The following SDK1 variants were observed in gnomAD, a reference collection of about 807,000 sequenced individuals.
SDK1 encodes sidekick cell adhesion molecule 1.
A neutral mutation model predicts 245.5 loss-of-function variants in SDK1; 157 were observed. That is an observed-to-expected ratio of 0.64 (90% CI 0.56 to 0.73). SDK1 has a LOEUF of 0.73. Among genes scored for constraint, SDK1 ranks in the 30% least tolerant of loss-of-function variants. The pLI, the probability that SDK1 is intolerant of heterozygous loss-of-function variation, is 0.00. For synonymous variants in SDK1, 1,647 were observed against 1,278.5 expected (o/e 1.29, Z -6.15); for missense variants, 3,583 against 3,002.3 (o/e 1.19, Z -4.52).
chr7:4,079,535 C>G lies in SDK1; in HGVS notation c.3275C>G (p.Pro1092Arg), dbSNP rs148455510. ...CGCTCCGCCACCCTTCAGTTCCGGC[C>G]AGGCTATGACGGGAAAACGTCCATC... Reference protein sequence around the residue: ...SPRSATLQFRPGYDGKTSISR... With the variant: ...SPRSATLQFRRGYDGKTSISR... The change falls in exon 22 of 45, where the codon CCA becomes CGA. Residue 1092 changes from proline (P) to arginine (R), a missense_variant. By Grantham distance (103) the Pro-to-Arg change is moderately radical (BLOSUM62 -2). Coordinates refer to ENST00000404826, the MANE Select transcript of SDK1 (RefSeq NM_152744.4). 838 of 1,614,210 alleles carry G rather than the reference C, an allele frequency of 5.2e-4. 2 individuals carry two copies. The highest frequency in any genetic ancestry group is 6.5e-4 in the Non-Finnish European group (765 of 1,180,040).
intron 13 of SDK1, among the ~76,000 whole-genome samples, chr7:3,975,467 A>C (rs993544508): frequency 6.6e-6 from 1 of 152,168 alleles, no homozygotes; most frequent in Non-Finnish European, 1.5e-5. Context: ...TGTATTCAAA[A>C]TCATTCCCCA....
chr7:3,522,044 T>C (rs1782956234), intron 1 of SDK1, among the ~76,000 whole-genome samples: 1 of 152,146 alleles, frequency 6.6e-6, no homozygotes. Flanking sequence ...TTAGATCATC[T>C]TAAATCTTGA....
intron 1 of SDK1, among the ~76,000 whole-genome samples, chr7:3,614,517 G>A (rs952886835): frequency 1.3e-5 from 2 of 152,142 alleles, no homozygotes; most frequent in Admixed American, 6.5e-5. Context: ...AATCATTTCA[G>A]GATGTTCTCT....
rs1241454102 is a variant in SDK1 at position 3,495,065 on chromosome 7, C to T, written c.299-124015C>T. On this transcript the variant is annotated intron_variant, in intron 1 of 44. Coordinates refer to ENST00000404826, the MANE Select transcript of SDK1 (RefSeq NM_152744.4). ...AATTTGTCTCTCTAAAGTGCTGTTA[C>T]TCTGGGGTATTCCCTGTCTTGGTTG... is the stretch of plus-strand genomic sequence containing the variant. Among the ~76,000 whole-genome samples the T allele has an allele frequency of 2.0e-5, 3 of 152,074 alleles. No individual in the cohort carries two copies. In the East Asian group the frequency reaches 5.8e-4, roughly 29 times the overall value.
intron 4 of SDK1, among the ~76,000 whole-genome samples, chr7:3,731,824 G>T (rs534302793): frequency 1.3e-5 from 2 of 152,232 alleles, no homozygotes; most frequent in South Asian, 2.1e-4. Flanking sequence ...ACAGAGTCTT[G>T]CTCTGTCACC....
intron 2 of SDK1, among the ~76,000 whole-genome samples, chr7:3,637,555 T>C (rs1454065706): frequency 6.6e-6 from 1 of 152,214 alleles, no homozygotes; most frequent in Non-Finnish European, 1.5e-5. Context: ...GAGTGGCGGT[T>C]GGTTACCTAT....
chr7:3,659,822 G>T (rs904839445), intron 4 of SDK1, among the ~76,000 whole-genome samples: 4 of 152,214 alleles, frequency 2.6e-5, no homozygotes, highest in Non-Finnish European at 5.9e-5. Context: ...GGTGGATGAC[G>T]TGGAGAAAAG....
At chr7:3,520,053 G>C (rs1413219016) in intron 1 of SDK1, among the ~76,000 whole-genome samples, 1 of 152,136 alleles carries the variant, frequency 6.6e-6, no homozygotes, top group Non-Finnish European at 1.5e-5. Flanking sequence ...GTTATTTAAA[G>C]TTGTTCTTAT....
intron 17 of SDK1, among the ~76,000 whole-genome samples, chr7:4,025,586 C>T (rs1188728761): frequency 6.6e-6 from 1 of 152,176 alleles, no homozygotes; most frequent in Non-Finnish European, 1.5e-5. Context: ...CCTGTCTTTC[C>T]TGCTAGCCTA....
At chr7:3,768,211 A>G (rs1421895981) in intron 4 of SDK1, among the ~76,000 whole-genome samples, 17 of 152,228 alleles carry the variant, frequency 1.1e-4, no homozygotes, top group Admixed American at 1.1e-3. Flanking sequence ...TGAATATAAT[A>G]GACTGCAACC....
intron 1 of SDK1, among the ~76,000 whole-genome samples, chr7:3,518,795 G>A (rs1782833643): frequency 6.6e-6 from 1 of 152,050 alleles, no homozygotes. Flanking sequence ...CCACTACTGG[G>A]CATTTATCCA....
rs1781363024 is a variant in SDK1 at position 3,376,645 on chromosome 7, T to G, written c.298+74761T>G. 2.6e-5 allele frequency among the ~76,000 whole-genome samples: 4 copies of G among 152,148 alleles called. No homozygotes were observed. The South Asian group carries it at 8.3e-4, about 32-fold the overall frequency. ...CTTGATTGGCAGGAAGATTATACGGTGTGGGTGGGGACACAGATTTGTCTG... is the reference window on the plus strand; with the variant it reads ...CTTGATTGGCAGGAAGATTATACGGGGTGGGTGGGGACACAGATTTGTCTG... On this transcript the variant is annotated intron_variant, in intron 1 of 44. Transcript: ENST00000404826.
At chr7:3,685,610 T>A (rs1396321103) in intron 4 of SDK1, among the ~76,000 whole-genome samples, 2 of 152,194 alleles carry the variant, frequency 1.3e-5, no homozygotes, top group Admixed American at 1.3e-4. Context: ...AAATTGTAAC[T>A]TTATGTGCTA....
chr7:4,246,778 C>A (rs960528066), intron 44 of SDK1, among the ~76,000 whole-genome samples: 1 of 152,124 alleles, frequency 6.6e-6, no homozygotes, highest in Admixed American at 6.5e-5. Flanking sequence ...AGCCTCCACG[C>A]GCTCCCTCCA....
intron 5 of SDK1, among the ~76,000 whole-genome samples, chr7:3,831,876 G>A (rs1182257543): frequency 6.6e-6 from 1 of 151,950 alleles, no homozygotes; most frequent in Non-Finnish European, 1.5e-5. Flanking sequence ...GGGAGACTCT[G>A]TCTTTAACAA....
chr7:4,149,533 A>G (rs1259190436), intron 30 of SDK1, 70 bp downstream of exon 30: 2 of 1,137,036 alleles, frequency 1.8e-6, no homozygotes, highest in African/African-American at 1.6e-5. Flanking sequence ...TCCTGTCCAG[A>G]TAGTGGGGAG....
intron 2 of SDK1, among the ~76,000 whole-genome samples, chr7:3,630,173 T>C (rs993565616): frequency 6.6e-6 from 1 of 152,202 alleles, no homozygotes; most frequent in Non-Finnish European, 1.5e-5. Context: ...GTAGTTGGAA[T>C]CCCCCAAGGA....
chr7:4,232,965 T>TA, intron 40 of SDK1: 1 of 283,290 alleles, frequency 3.5e-6, no homozygotes, highest in Non-Finnish European at 6.7e-6. Context: ...TACATATATT[T>TA]ACTGTGGGGA....
rs933102256 is a variant in SDK1 at position 3,338,623 on chromosome 7, CAAACAAACA to C, written c.298+36743_298+36751del. 1.9e-4 allele frequency: 30 copies of C among 158,296 alleles called. No homozygotes were observed. The Middle Eastern group carries it at 7.8e-3, about 41-fold the overall frequency. 9.8% of individuals were successfully genotyped at this position (158,296 alleles called of 1,614,324 possible). ...ATGATAGGTGTTAAAAACAAACAAACAAACAAACAAAAAAAAACACCAAAACAAGAAAAT... is the reference window on the plus strand; with the variant it reads ...ATGATAGGTGTTAAAAACAAACAAACAAAAAAAACACCAAAACAAGAAAAT... On this transcript the variant is annotated intron_variant, in intron 1 of 44. Coordinates refer to ENST00000404826, the MANE Select transcript of SDK1 (RefSeq NM_152744.4).
Sources: gnomAD v4.1 joint callset for allele counts (sites outside exome capture counted in the v4.1 genomes callset) on GRCh38, gnomAD v4.1.1 for gene constraint, MANE v1.5 for transcripts, NCBI Gene and HGNC (gene_info 2026-07-23, HGNC 2026-07-21) for gene names.